The following ANKRD30A variants were observed in gnomAD, a reference collection of about 807,000 sequenced individuals.
The protein encoded by ANKRD30A is ankyrin repeat domain-containing protein 30A.
In ANKRD30A, 170 loss-of-function variants were observed where a neutral mutation model predicts 166.3. The ratio of observed to expected loss-of-function variants is 1.02; its 90% CI spans 0.90 to 1.16. The LOEUF (loss-of-function observed/expected upper bound fraction) is 1.16. Among genes scored for constraint, ANKRD30A ranks in the 50% most tolerant of loss-of-function variants. The pLI, the probability that ANKRD30A is intolerant of heterozygous loss-of-function variation, is 0.00. For missense variants in ANKRD30A, 1,630 were observed against 1,518.0 expected, an observed-to-expected ratio of 1.07 and a Z score of -1.23; for synonymous variants, 564 against 508.9, an observed-to-expected ratio of 1.11 and a Z score of -1.46.
intron 5 of ANKRD30A, among the ~76,000 whole-genome samples, chr10:37,135,641 C>A (rs1836637721): frequency 6.6e-6 from 1 of 152,102 alleles, no homozygotes. Flanking sequence ...AGTTACTAAG[C>A]ATCATTCTAT....
Position 37,219,585 on chromosome 10 carries a change from A to G in ANKRD30A, c.3873A>G (p.Thr1291=), listed in dbSNP as rs776231931. Residue 1291 remains threonine, a synonymous_variant, in exon 34 of 36, where the codon ACA becomes ACG. Coordinates refer to ENST00000361713, the MANE Select transcript of ANKRD30A (RefSeq NM_052997.3). ...ATGCACAAAGAGACCAACGTGAAACACAGTGTCAAATGAAGGAAGCTGAAC... is the reference window on the plus strand; with the variant it reads ...ATGCACAAAGAGACCAACGTGAAACGCAGTGTCAAATGAAGGAAGCTGAAC... The part of the protein sequence containing the change: ...SEHAQRDQRE[T]QCQMKEAEHM... The G allele has an allele frequency of 7.7e-5, 124 of 1,610,312 alleles. No homozygotes were observed. The highest frequency in any genetic ancestry group is 1.0e-4 in the Non-Finnish European group (119 of 1,177,718).
intron 34 of ANKRD30A, among the ~76,000 whole-genome samples, chr10:37,224,432 A>G (rs1393201523): frequency 4.0e-5 from 6 of 150,730 alleles, no homozygotes; most frequent in Non-Finnish European, 7.4e-5. Context: ...CTACATATAT[A>G]TATCACTAAA....
At chr10:37,257,696 T>G in the ANKRD30A span, among the ~76,000 whole-genome samples, 4 of 152,204 alleles carry the variant, frequency 2.6e-5, no homozygotes, top group Admixed American at 2.6e-4. Flanking sequence ...AATTTCCATG[T>G]AATTTTGTGG....
At chr10:37,164,571 A>G (rs542890003) in intron 17 of ANKRD30A, among the ~76,000 whole-genome samples, 11 of 152,114 alleles carry the variant, frequency 7.2e-5, no homozygotes, top group Non-Finnish European at 1.6e-4. Flanking sequence ...CACCCAATAC[A>G]CTGTCATAGC....
chr10:37,192,431 A>G (rs1161721008), intron 25 of ANKRD30A, among the ~76,000 whole-genome samples: 1 of 152,016 alleles, frequency 6.6e-6, no homozygotes, highest in East Asian at 1.9e-4. Flanking sequence ...GAACCCTATG[A>G]ATGTGAAAAT....
intron 34 of ANKRD30A, among the ~76,000 whole-genome samples, chr10:37,227,012 C>T (rs974808331): frequency 1.3e-5 from 2 of 151,804 alleles, no homozygotes; most frequent in Non-Finnish European, 2.9e-5. Flanking sequence ...TCTAATTGGG[C>T]CATCTTGTTT....
chr10:37,251,017 G>C, the ANKRD30A span, among the ~76,000 whole-genome samples: 1 of 152,176 alleles, frequency 6.6e-6, no homozygotes. Flanking sequence ...ATGGGGGCTA[G>C]AAAAGGGGAC....
At chr10:37,160,088 A>T (rs1249133178) in intron 15 of ANKRD30A, among the ~76,000 whole-genome samples, 2 of 152,182 alleles carry the variant, frequency 1.3e-5, no homozygotes, top group African/African-American at 4.8e-5. Context: ...AGATGGACCC[A>T]ATACAATTAG....
chr10:37,243,298 CT>C, the ANKRD30A span, among the ~76,000 whole-genome samples: 35,858 of 137,474 alleles, frequency 0.26, 5,060 homozygotes, highest in Admixed American at 0.32. Flanking sequence ...CCACGCCCAC[CT>C]TTTTTTTTTT....
Position 37,142,239 on chromosome 10 carries a change from A to G in ANKRD30A, c.1342A>G (p.Lys448Glu). 6.2e-7 allele frequency: 1 copy of G among 1,606,370 alleles called. No homozygotes were observed. Among genetic ancestry groups the G allele is most frequent in the Non-Finnish European group, 8.5e-7 (1 of 1,178,188 alleles). The change falls in exon 7 of 36, where the codon AAG becomes GAG. Residue 448 changes from lysine (K) to glutamate (E), a missense_variant. Coordinates refer to ENST00000361713, the MANE Select transcript of ANKRD30A (RefSeq NM_052997.3). Reference protein sequence around the residue: ...KTKVLEKGRSKMIACPTKESS... With the variant: ...KTKVLEKGRSEMIACPTKESS... ...TAAAGTTTTGGAAAAAGGAAGATCT[A>G]AGATGATTGCATGTCCTACAAAAGA... is the stretch of plus-strand genomic sequence containing the variant.
rs184858352 is a variant in ANKRD30A at position 37,198,178 on chromosome 10, A to C, written c.2716+698A>C. Among the ~76,000 whole-genome samples the C allele has an allele frequency of 1.5e-3, 226 of 152,214 alleles. 1 individual carries two copies. The highest frequency in any genetic ancestry group is 7.2e-3 in the South Asian group (35 of 4,828). On this transcript the variant is annotated intron_variant, in intron 29 of 35. Transcript: ENST00000361713. ...ATATTCTAAACTGTTTTTTAAAACT[A>C]TTCTTATGCATGTTTAAACATTTTA...
chr10:37,208,374 A>G (rs1161793613), intron 31 of ANKRD30A, among the ~76,000 whole-genome samples: 2 of 152,218 alleles, frequency 1.3e-5, no homozygotes, highest in Non-Finnish European at 2.9e-5. Flanking sequence ...TGGGCATTAC[A>G]CAGACTTGCC....
chr10:37,217,648 C>A (rs1376202635), intron 32 of ANKRD30A, 47 bp from the exon 33 acceptor site: 2 of 1,408,034 alleles, frequency 1.4e-6, no homozygotes, highest in East Asian at 5.0e-5. Flanking sequence ...AAAATGAATT[C>A]TATTTTCTAA....
intron 31 of ANKRD30A, among the ~76,000 whole-genome samples, chr10:37,214,318 C>A (rs767488830): frequency 6.6e-5 from 10 of 151,328 alleles, no homozygotes; most frequent in Non-Finnish European, 1.3e-4. Flanking sequence ...TTCTTATAGG[C>A]ATTACACAGG....
intron 15 of ANKRD30A, among the ~76,000 whole-genome samples, chr10:37,161,845 T>A (rs1838908641): frequency 6.6e-6 from 1 of 152,210 alleles, no homozygotes; most frequent in Non-Finnish European, 1.5e-5. Context: ...TATAGACTAA[T>A]GATACACCGA....
chr10:37,232,811 C>G (rs921684840), downstream of ANKRD30A, among the ~76,000 whole-genome samples: 1 of 143,724 alleles, frequency 7.0e-6, no homozygotes, highest in Non-Finnish European at 1.5e-5. Flanking sequence ...CACTTGAGCC[C>G]AAGATTTCAA....
rs200974283 is a variant in ANKRD30A, at chr10:37,145,054, C to T, written c.1453C>T (p.Arg485Trp). The T allele has an allele frequency of 7.0e-5, 103 of 1,471,162 alleles. No homozygotes were observed. The highest frequency in any genetic ancestry group is 8.8e-5 in the Non-Finnish European group (97 of 1,103,868). The allele number at this position is 1,471,162 out of a possible 1,614,324, so 91.1% of individuals were successfully genotyped here. A position where few individuals can be genotyped will look rare whatever the true frequency, so the allele number is the denominator to read the frequency against. Reference protein sequence around the residue: ...EEDEEYSCDSRSLFESSAKIQ... With the variant: ...EEDEEYSCDSWSLFESSAKIQ... ...AGATGAAGAATATTCTTGTGATTCT[C>T]GGGTATTGTGTATTATTGATGTTAT... Residue 485 changes from arginine (R) to tryptophan (W), a missense_variant and splice_region_variant, in exon 8 of 36, where the codon CGG (arginine) becomes TGG (tryptophan). Transcript: ENST00000361713.
rs1328158757 is a variant in ANKRD30A, at chr10:37,193,177, C to T, written c.2542-9C>T. 6.2e-7 allele frequency: 1 copy of T among 1,611,544 alleles called. No homozygotes were observed. The highest frequency in any genetic ancestry group is 1.1e-5 in the South Asian group (1 of 90,410). The stretch of plus-strand genomic sequence containing the variant: ...GTATATTAATTGTTTTGTTTCTAAA[C>T]CCATTTAGGCTCCCTGCAGAATGAA... On this transcript the variant is annotated splice_polypyrimidine_tract_variant and intron_variant, in intron 26 of 35. Coordinates refer to ENST00000361713, the MANE Select transcript of ANKRD30A (RefSeq NM_052997.3).
At chr10:37,162,927 T>A in intron 17 of ANKRD30A, 79 bp downstream of exon 17, 1 of 1,526,606 alleles carries the variant, frequency 6.6e-7, no homozygotes. Flanking sequence ...ACCCAATGGT[T>A]TATTTTTTTC....
Sources: allele counts gnomAD v4.1 joint callset (sites outside exome capture counted in the v4.1 genomes callset), GRCh38; gene constraint gnomAD v4.1.1; transcripts MANE v1.5; gene names NCBI Gene and HGNC (gene_info 2026-07-23, HGNC 2026-07-21).